NKAIN2: variants seen among roughly 807,000 people sequenced by gnomAD.
The protein encoded by NKAIN2 is sodium/potassium transporting ATPase interacting 2.
NKAIN2 carries 14 observed loss-of-function variants against 32.6 expected under a neutral mutation model. That is an observed-to-expected ratio of 0.43 (90% CI 0.28 to 0.67). NKAIN2 has a LOEUF of 0.67. NKAIN2 is among the 30% of genes least tolerant of loss of function. The pLI, the probability that NKAIN2 is intolerant of heterozygous loss-of-function variation, is 0.17. For synonymous variants in NKAIN2, 80 were observed against 87.2 expected, an observed-to-expected ratio of 0.92 and a Z score of 0.46; for missense variants, 198 against 258.3, an observed-to-expected ratio of 0.77 and a Z score of 1.60.
chr6:124,537,743 A>G (rs926053450), intron 3 of NKAIN2, among the ~76,000 whole-genome samples: 2 of 152,060 alleles, frequency 1.3e-5, no homozygotes, highest in African/African-American at 4.8e-5. Context: ...ATTAGGCTAC[A>G]TTGTTAGAAA....
chr6:124,533,037 A>G (rs1779582623), intron 3 of NKAIN2, among the ~76,000 whole-genome samples: 1 of 151,850 alleles, frequency 6.6e-6, no homozygotes, highest in Non-Finnish European at 1.5e-5. Flanking sequence ...CAATTTTCCT[A>G]CCCGTTTTGA....
chr6:124,795,902 G>A (rs377687444), intron 5 of NKAIN2, among the ~76,000 whole-genome samples: 2 of 152,128 alleles, frequency 1.3e-5, no homozygotes, highest in Non-Finnish European at 2.9e-5. Context: ...GAATTGGGGA[G>A]GGACACTAAC....
chr6:124,718,946 T>C (rs1775891369), intron 4 of NKAIN2, among the ~76,000 whole-genome samples: 1 of 152,154 alleles, frequency 6.6e-6, no homozygotes, highest in African/African-American at 2.4e-5. Flanking sequence ...TATTTGTTAA[T>C]AGAGAAAAAA....
chr6:124,348,887 C>T (rs192988158), intron 2 of NKAIN2, among the ~76,000 whole-genome samples: 139 of 152,218 alleles, frequency 9.1e-4, no homozygotes, highest in African/African-American at 3.1e-3. Context: ...TCGGGTCACT[C>T]CCACCCCAAT....
intron 3 of NKAIN2, among the ~76,000 whole-genome samples, chr6:124,543,517 A>G (rs1779982822): frequency 6.6e-6 from 1 of 152,182 alleles, no homozygotes. Flanking sequence ...GGAAAATCTT[A>G]CCATTGACTA....
At chr6:124,023,356 C>G (rs970056475) in intron 1 of NKAIN2, among the ~76,000 whole-genome samples, 1 of 152,006 alleles carries the variant, frequency 6.6e-6, no homozygotes, top group Non-Finnish European at 1.5e-5. Context: ...TTCTAATACT[C>G]CTTCATTTCA....
intron 3 of NKAIN2, among the ~76,000 whole-genome samples, chr6:124,479,868 A>C (rs2114696625): frequency 1.3e-5 from 2 of 152,310 alleles, no homozygotes; most frequent in Middle Eastern, 6.8e-3. Context: ...AAAAAAGCAG[A>C]TTGAATTCAG....
chr6:124,664,110 A>C (rs1772642739), intron 4 of NKAIN2, among the ~76,000 whole-genome samples: 1 of 152,110 alleles, frequency 6.6e-6, no homozygotes, highest in Admixed American at 6.5e-5. Flanking sequence ...CCCCGTCTCT[A>C]CTAAAAATAC....
intron 4 of NKAIN2, among the ~76,000 whole-genome samples, chr6:124,707,419 G>A (rs28786391): frequency 0.089 from 13,313 of 150,366 alleles, 1,037 homozygotes; most frequent in African/African-American, 0.21. Flanking sequence ...TGGCCACACT[G>A]ACTTCCACAA....
chr6:124,657,311 T>G (rs1442110226), intron 3 of NKAIN2, among the ~76,000 whole-genome samples: 1 of 152,170 alleles, frequency 6.6e-6, no homozygotes, highest in Non-Finnish European at 1.5e-5. Flanking sequence ...CTTATCTTCC[T>G]TCATGACTTG....
chr6:124,748,946 T>C (rs1456080701), intron 4 of NKAIN2, among the ~76,000 whole-genome samples: 1 of 151,852 alleles, frequency 6.6e-6, no homozygotes, highest in African/African-American at 2.4e-5. Flanking sequence ...CAAAAATTTA[T>C]TGTCTCACGA....
rs1197059873 is a variant in NKAIN2 at position 124,096,047 on chromosome 6, TTTAGAA to T, written c.55-186957_55-186952del. Reference sequence around the variant, plus strand: ...CTAGAAAACAAAACTGTAGGAAAATTTTAGAACAAGGAAAGCATTGGTCTAATGAAG... The same window carrying T: ...CTAGAAAACAAAACTGTAGGAAAATTCAAGGAAAGCATTGGTCTAATGAAG... On this transcript the variant is annotated intron_variant, in intron 1 of 6. Coordinates refer to ENST00000368417, the MANE Select transcript of NKAIN2 (RefSeq NM_001040214.3). Among the ~76,000 whole-genome samples, 12 of 152,316 alleles carry T rather than the reference TTTAGAA, an allele frequency of 7.9e-5. No homozygotes were observed. In the East Asian group the frequency reaches 2.3e-3, roughly 29 times the overall value.
intron 4 of NKAIN2, among the ~76,000 whole-genome samples, chr6:124,747,395 G>A (rs929992840): frequency 1.3e-5 from 2 of 151,858 alleles, no homozygotes; most frequent in Non-Finnish European, 2.9e-5. Flanking sequence ...TAATGACTTT[G>A]CAGCCATAAT....
intron 3 of NKAIN2, among the ~76,000 whole-genome samples, chr6:124,362,843 T>C (rs771981119): frequency 3.9e-5 from 6 of 152,152 alleles, no homozygotes; most frequent in Non-Finnish European, 5.9e-5. Context: ...TTTATTATTA[T>C]TATTTTTTTG....
intron 4 of NKAIN2, among the ~76,000 whole-genome samples, chr6:124,726,744 C>T (rs542276492): frequency 7.3e-4 from 102 of 140,614 alleles, no homozygotes; most frequent in African/African-American, 2.4e-3. Flanking sequence ...AGGCTTCAGA[C>T]GATCAAATTA....
At chr6:124,553,799 T>G (rs1334587233) in intron 3 of NKAIN2, among the ~76,000 whole-genome samples, 1 of 152,214 alleles carries the variant, frequency 6.6e-6, no homozygotes, top group Non-Finnish European at 1.5e-5. Flanking sequence ...GAAATAAATT[T>G]AGATTCAGCA....
At chr6:124,259,107 C>A (rs1794098324) in intron 1 of NKAIN2, among the ~76,000 whole-genome samples, 2 of 152,172 alleles carry the variant, frequency 1.3e-5, no homozygotes, top group African/African-American at 4.8e-5. Context: ...AGGCATCCAT[C>A]ATTCCTGTCT....
At chr6:124,038,875 T>G (rs1781732067) in intron 1 of NKAIN2, among the ~76,000 whole-genome samples, 1 of 152,116 alleles carries the variant, frequency 6.6e-6, no homozygotes, top group African/African-American at 2.4e-5. Flanking sequence ...ATTTTATAAA[T>G]TGCTGTACCA....
chr6:124,116,879 A>C (rs996281696), intron 1 of NKAIN2, among the ~76,000 whole-genome samples: 5 of 152,156 alleles, frequency 3.3e-5, no homozygotes, highest in Admixed American at 2.6e-4. Flanking sequence ...TGAATGATGC[A>C]GAAAAAATAA....
Sources: allele counts gnomAD v4.1 joint callset (sites outside exome capture counted in the v4.1 genomes callset), GRCh38; gene constraint gnomAD v4.1.1; transcripts MANE v1.5; gene names NCBI Gene and HGNC (gene_info 2026-07-23, HGNC 2026-07-21).